Variants in R3HDM2 observed in about 807,000 individuals in gnomAD.
The protein encoded by R3HDM2 is R3H domain containing 2, also known as R3H domain-containing protein 2.
R3HDM2 carries 38 observed loss-of-function variants against 124.5 expected under a neutral mutation model. The ratio of observed to expected loss-of-function variants is 0.31; its 90% CI spans 0.24 to 0.40. R3HDM2 has a LOEUF of 0.40. Among genes scored for constraint, R3HDM2 ranks in the 10% least tolerant of loss-of-function variants. The pLI is 1.00. For missense variants in R3HDM2, 869 were observed against 1,236.9 expected, an observed-to-expected ratio of 0.70 and a Z score of 4.46; for synonymous variants, 391 against 448.0, an observed-to-expected ratio of 0.87 and a Z score of 1.61.
chr12:57,379,845 C>T (rs2064602228), intron 2 of R3HDM2, among the ~76,000 whole-genome samples: 1 of 151,888 alleles, frequency 6.6e-6, no homozygotes, highest in Non-Finnish European at 1.5e-5. Context: ...ATATATATGG[C>T]TACTTCACTT....
chr12:57,403,682 C>T (rs1285270358), intron 1 of R3HDM2, among the ~76,000 whole-genome samples: 1 of 151,784 alleles, frequency 6.6e-6, no homozygotes, highest in African/African-American at 2.4e-5. Context: ...TGGTGGCTCA[C>T]ACCTGTAGTC....
chr12:57,280,449 TGGGCAGTACAAGGGAGAAGCCCCC>T lies in R3HDM2; in HGVS notation c.1229_1252del (p.Arg410_Ala417del), dbSNP rs1286856129. On this transcript the variant is annotated inframe_deletion, in exon 14 of 24. Coordinates refer to ENST00000402412, the MANE Select transcript of R3HDM2 (RefSeq NM_001394031.1). ...CTGCTGCTGCTGCTGCTGTTGCTGCTGGGCAGTACAAGGGAGAAGCCCCCGGACAGACTGGGATGAGGTGACCTG... is the reference window on the plus strand; with the variant it reads ...CTGCTGCTGCTGCTGCTGTTGCTGCTGGACAGACTGGGATGAGGTGACCTG... 11 of 1,614,006 alleles carry T rather than the reference TGGGCAGTACAAGGGAGAAGCCCCC, an allele frequency of 6.8e-6. No homozygotes were observed. The highest frequency in any genetic ancestry group is 7.6e-6 in the Non-Finnish European group (9 of 1,179,996).
chr12:57,333,611 G>T (rs1322881732), intron 2 of R3HDM2, among the ~76,000 whole-genome samples: 1 of 152,170 alleles, frequency 6.6e-6, no homozygotes, highest in African/African-American at 2.4e-5. Flanking sequence ...AGAATTGCTT[G>T]AATCTGGGAG....
At chr12:57,356,579 A>C (rs879063021) in intron 2 of R3HDM2, among the ~76,000 whole-genome samples, 1 of 152,208 alleles carries the variant, frequency 6.6e-6, no homozygotes, top group Admixed American at 6.5e-5. Context: ...TTGGAATCAG[A>C]GTAAGGTTGG....
chr12:57,345,500 T>TACACACACACACAC (rs55903347), intron 2 of R3HDM2, among the ~76,000 whole-genome samples: 1 of 147,526 alleles, frequency 6.8e-6, no homozygotes, highest in African/African-American at 2.5e-5. Flanking sequence ...ATTTCTTTTA[T>TACACACACACACAC]ACACACACAC....
chr12:57,374,736 G>A (rs1234461925), intron 2 of R3HDM2, among the ~76,000 whole-genome samples: 9 of 141,768 alleles, frequency 6.3e-5, no homozygotes, highest in African/African-American at 2.1e-4. Context: ...GCTCACGCCT[G>A]TAATACTAGC....
intron 2 of R3HDM2, among the ~76,000 whole-genome samples, chr12:57,318,655 A>G (rs2055708209): frequency 6.6e-6 from 1 of 152,142 alleles, no homozygotes; most frequent in Admixed American, 6.6e-5. Context: ...CTCAAAAAAA[A>G]AAAGAAAGAA....
At chr12:57,347,222 G>C (rs1019262060) in intron 2 of R3HDM2, among the ~76,000 whole-genome samples, 1 of 151,958 alleles carries the variant, frequency 6.6e-6, no homozygotes, top group Non-Finnish European at 1.5e-5. Flanking sequence ...CTCCAGCCTG[G>C]ATGACAGAGT....
At chr12:57,275,478 T>C (rs1381197372) in intron 14 of R3HDM2, among the ~76,000 whole-genome samples, 1 of 144,698 alleles carries the variant, frequency 6.9e-6, no homozygotes, top group East Asian at 2.0e-4. Flanking sequence ...TGGGACTTAA[T>C]TAAACTAAAA....
At chr12:57,392,623 C>A (rs1469828525) in intron 2 of R3HDM2, among the ~76,000 whole-genome samples, 1 of 151,994 alleles carries the variant, frequency 6.6e-6, no homozygotes, top group Non-Finnish European at 1.5e-5. Context: ...GATGGAGTTT[C>A]ACTCTTGTTG....
chr12:57,371,015 T>C (rs1459347151), intron 2 of R3HDM2, among the ~76,000 whole-genome samples: 1 of 150,578 alleles, frequency 6.6e-6, no homozygotes, highest in Non-Finnish European at 1.5e-5. Context: ...GACCAAAATT[T>C]GTTCTGGTTC....
chr12:57,332,983 A>G (rs1265072749), intron 2 of R3HDM2, among the ~76,000 whole-genome samples: 1 of 152,212 alleles, frequency 6.6e-6, no homozygotes, highest in East Asian at 1.9e-4. Flanking sequence ...AAGACCCACC[A>G]TAATTTCTCA....
chr12:57,288,510 CAGAAG>C (rs1334890581), intron 12 of R3HDM2, among the ~76,000 whole-genome samples: 6 of 151,732 alleles, frequency 4.0e-5, no homozygotes, highest in African/African-American at 1.5e-4. Flanking sequence ...AAAGGTTAGC[CAGAAG>C]ACACCCATTC....
chr12:57,361,397 A>G (rs1014922694), intron 2 of R3HDM2, among the ~76,000 whole-genome samples: 1 of 130,396 alleles, frequency 7.7e-6, no homozygotes, highest in African/African-American at 2.7e-5. Context: ...AAAAAAAAAA[A>G]GGCATAAAGC....
intron 1 of R3HDM2, among the ~76,000 whole-genome samples, chr12:57,424,152 C>G (rs2070482885): frequency 1.5e-5 from 2 of 129,070 alleles, no homozygotes; most frequent in African/African-American, 5.8e-5. Context: ...AACAAAGAAA[C>G]TGTAAGTGAA....
intron 18 of R3HDM2, 49 bp from the exon 19 acceptor site, chr12:57,266,880 A>G (rs754771605): frequency 3.2e-5 from 43 of 1,333,788 alleles, no homozygotes; most frequent in Non-Finnish European, 4.1e-5. Flanking sequence ...AGGGATGAAC[A>G]CAGCTCCTGG....
intron 2 of R3HDM2, among the ~76,000 whole-genome samples, chr12:57,340,731 C>A (rs1044197421): frequency 6.6e-6 from 1 of 152,142 alleles, no homozygotes; most frequent in African/African-American, 2.4e-5. Flanking sequence ...TTTAAAGGTA[C>A]TTTTCCACAT....
intron 1 of R3HDM2, among the ~76,000 whole-genome samples, chr12:57,404,762 G>C (rs751818082): frequency 2.1e-4 from 32 of 152,010 alleles, no homozygotes; most frequent in Non-Finnish European, 3.5e-4. Context: ...GCTCACACCT[G>C]TAATCCCCAT....
At chr12:57,421,207 C>T (rs949019559) in intron 1 of R3HDM2, among the ~76,000 whole-genome samples, 1 of 142,418 alleles carries the variant, frequency 7.0e-6, no homozygotes, top group East Asian at 2.0e-4. Flanking sequence ...TCTTGTTGCC[C>T]AGGCTGGTGT....
Sources: allele counts gnomAD v4.1 joint callset (sites outside exome capture counted in the v4.1 genomes callset), GRCh38; gene constraint gnomAD v4.1.1; transcripts MANE v1.5; gene names NCBI Gene and HGNC (gene_info 2026-07-23, HGNC 2026-07-21).